OSBPL1A: variants seen among roughly 807,000 people sequenced by gnomAD.
OSBPL1A encodes oxysterol-binding protein-related protein 1.
A neutral mutation model predicts 137.1 loss-of-function variants in OSBPL1A; 80 were observed. The observed-to-expected ratio is 0.58, with a 90% confidence interval of 0.49 to 0.70. The LOEUF is 0.70. Among genes scored for constraint, OSBPL1A ranks in the 30% least tolerant of loss-of-function variants. OSBPL1A has a pLI of 0.00. For missense variants in OSBPL1A, 970 were observed against 1,129.4 expected (o/e 0.86, Z 2.02); for synonymous variants, 365 against 389.7 (o/e 0.94, Z 0.75).
intron 18 of OSBPL1A, among the ~76,000 whole-genome samples, chr18:24,188,479 G>T (rs1325773525): frequency 2.6e-5 from 4 of 152,180 alleles, no homozygotes; most frequent in Non-Finnish European, 5.9e-5. Flanking sequence ...CATTTGAAAA[G>T]CTGCTAAAAT....
rs78501305 is a variant in OSBPL1A, at chr18:24,240,792, C to T, written c.1282-1410G>A. ...ATAGATGTTTTCGAAAGCAGTTGTG[C>T]ACTGGGTGACACTGAATGAAGCAGA... On this transcript the variant is annotated intron_variant, in intron 15 of 27. Coordinates refer to ENST00000319481, the MANE Select transcript of OSBPL1A (RefSeq NM_080597.4). Among the ~76,000 whole-genome samples the T allele has an allele frequency of 3.9e-3, 589 of 152,300 alleles. 3 individuals carry two copies. Among genetic ancestry groups the T allele is most frequent in the Non-Finnish European group, 6.1e-3 (412 of 68,012 alleles).
intron 1 of OSBPL1A, among the ~76,000 whole-genome samples, chr18:24,377,801 C>A (rs771329568): frequency 6.6e-6 from 1 of 152,100 alleles, no homozygotes; most frequent in Non-Finnish European, 1.5e-5. Flanking sequence ...TACAACCAAC[C>A]GCATAAGCTG....
chr18:24,206,534 T>C lies in OSBPL1A; in HGVS notation c.1602-10334A>G, dbSNP rs1275421101. Among the ~76,000 whole-genome samples, 6 of 152,208 alleles carry C rather than the reference T, an allele frequency of 3.9e-5. No homozygotes were observed. In the South Asian group the frequency reaches 1.2e-3, roughly 32 times the overall value. On this transcript the variant is annotated intron_variant, in intron 17 of 27. Transcript: ENST00000319481. ...ATTTAATTAAAATGACGAAAGAACA[T>C]ACTAATAAATCCCAAACAATTTTAC... is the stretch of plus-strand genomic sequence containing the variant.
chr18:24,313,595 C>T (rs1317312402), intron 12 of OSBPL1A, among the ~76,000 whole-genome samples: 2 of 152,168 alleles, frequency 1.3e-5, no homozygotes, highest in Non-Finnish European at 2.9e-5. Context: ...TTCTGTCACT[C>T]ACAAGCTGCC....
In OSBPL1A at chr18:24,334,299, T is replaced by G. The variant is rs773613142; in HGVS notation, c.426A>C (p.Glu142Asp). 3 of 1,612,228 alleles carry G rather than the reference T, an allele frequency of 1.9e-6. No homozygotes were observed. Among genetic ancestry groups the G allele is most frequent in the African/African-American group, 2.7e-5 (2 of 74,862 alleles). Residue 142 changes from glutamate to aspartate, a missense_variant, in exon 6 of 28, where the codon GAA becomes GAC. Glu to Asp is a conservative substitution (Grantham distance 45). Around this residue, in one of 2 missense-constraint regions of OSBPL1A, gnomAD observed 647 missense variants for 672.6 expected, o/e 0.96. Coordinates refer to ENST00000319481, the MANE Select transcript of OSBPL1A (RefSeq NM_080597.4). ...AVERTQQRKL[E>D]ELLLAAAREG... is the part of the protein sequence containing the mutation. ...CTCTTGCTGCTGCTAAAAGTAATTCTTCAAGCTTTCTTTGTTGAGTCCTTT... is the reference window on the plus strand; with the variant it reads ...CTCTTGCTGCTGCTAAAAGTAATTCGTCAAGCTTTCTTTGTTGAGTCCTTT...
chr18:24,358,241 G>A, intron 4 of OSBPL1A: 1 of 514,182 alleles, frequency 1.9e-6, no homozygotes, highest in African/African-American at 1.9e-5. Context: ...AGGGATGAGG[G>A]TTTCCAGAGT....
intron 4 of OSBPL1A, among the ~76,000 whole-genome samples, chr18:24,344,228 T>C (rs1041143944): frequency 1.3e-5 from 2 of 152,124 alleles, no homozygotes; most frequent in African/African-American, 4.8e-5. Context: ...GGCAGACGGA[T>C]CACTTGAGGC....
chr18:24,305,967 C>G (rs2090492784), intron 13 of OSBPL1A, among the ~76,000 whole-genome samples: 1 of 152,140 alleles, frequency 6.6e-6, no homozygotes, highest in Non-Finnish European at 1.5e-5. Flanking sequence ...AAACCTCTTT[C>G]CTTTATAAAT....
chr18:24,316,194 G>A (rs1423531030), intron 11 of OSBPL1A, among the ~76,000 whole-genome samples: 1 of 151,960 alleles, frequency 6.6e-6, no homozygotes, highest in African/African-American at 2.4e-5. Context: ...CTGGGAGGTG[G>A]AGGTTGCAGT....
chr18:24,313,566 G>T (rs2090665361), intron 12 of OSBPL1A, among the ~76,000 whole-genome samples: 1 of 152,214 alleles, frequency 6.6e-6, no homozygotes, highest in East Asian at 1.9e-4. Context: ...GTGTCAGAAC[G>T]CCTGGCTTGT....
At chr18:24,396,696 G>T (rs557719043) in intron 1 of OSBPL1A, among the ~76,000 whole-genome samples, 2 of 151,964 alleles carry the variant, frequency 1.3e-5, no homozygotes, top group Non-Finnish European at 2.9e-5. Context: ...GGGGAGGGAG[G>T]GGGGTGGTTC....
At position 24,368,388 on chromosome 18, in the gene OSBPL1A, T is replaced by C. The variant is rs1157250648; in HGVS notation, c.122-16A>G. 6.3e-6 allele frequency: 10 copies of C among 1,582,188 alleles called. No individual in the cohort carries two copies. Among genetic ancestry groups the C allele is most frequent in the Non-Finnish European group, 6.9e-6 (8 of 1,152,596 alleles). ...TTACTTCTTCCTAAAAATGGAAAAA[T>C]ATAAGGTATTTTTAGGTCATATTTA... On this transcript the variant is annotated splice_polypyrimidine_tract_variant and intron_variant, in intron 2 of 27. Transcript: ENST00000319481.
At chr18:24,321,337 G>A (rs546581942) in intron 7 of OSBPL1A, among the ~76,000 whole-genome samples, 1 of 152,268 alleles carries the variant, frequency 6.6e-6, no homozygotes, top group East Asian at 1.9e-4. Context: ...ACTTACAACA[G>A]TTCAACTTAA....
At position 24,271,981 on chromosome 18, in the gene OSBPL1A, C is replaced by G; in HGVS notation, c.1281+8861G>C. 3.1e-6 allele frequency: 3 copies of G among 981,798 alleles called. No homozygotes were observed. Among genetic ancestry groups the G allele is most frequent in the Non-Finnish European group, 3.6e-6 (3 of 828,656 alleles). The allele number at this position is 981,798 out of a possible 1,614,324, so 60.8% of individuals were successfully genotyped here. A position where few individuals can be genotyped will look rare whatever the true frequency, so the allele number is the denominator to read the frequency against. ...CCCTCCGGGGCTCGCGGGGAGAGCG[C>G]GGGCGGGCGGCGGCAAGGCCTGCGG... On this transcript the variant is annotated intron_variant, in intron 15 of 27. Transcript: ENST00000319481. The surrounding 1 kb of genome is among the most constrained non-coding windows in gnomAD (Gnocchi z 4.0).
At chr18:24,239,925 C>CTTTTTTTTTTT (rs10699940) in intron 15 of OSBPL1A, among the ~76,000 whole-genome samples, 2 of 125,620 alleles carry the variant, frequency 1.6e-5, no homozygotes, top group Admixed American at 8.9e-5. Flanking sequence ...TCATTTTTCT[C>CTTTTTTTTTTT]TTTTTTTTTT....
chr18:24,169,205 T>C (rs920134305), intron 24 of OSBPL1A, among the ~76,000 whole-genome samples: 2 of 152,248 alleles, frequency 1.3e-5, no homozygotes, highest in African/African-American at 4.8e-5. Context: ...GAAAGCAGAA[T>C]GCTCCGGCCG....
At chr18:24,315,923 A>G (rs1276772820) in intron 11 of OSBPL1A, among the ~76,000 whole-genome samples, 1 of 137,064 alleles carries the variant, frequency 7.3e-6, no homozygotes, top group African/African-American at 2.7e-5. Context: ...TATTATAATT[A>G]TATAATAATA....
At chr18:24,290,608 G>A (rs1220002293) in intron 14 of OSBPL1A, among the ~76,000 whole-genome samples, 5 of 152,098 alleles carry the variant, frequency 3.3e-5, no homozygotes, top group Admixed American at 1.3e-4. Flanking sequence ...GCTTGAACCC[G>A]GCAGGCGGAG....
intron 11 of OSBPL1A, among the ~76,000 whole-genome samples, chr18:24,316,496 TAAG>T (rs1223437228): frequency 1.3e-5 from 2 of 151,908 alleles, no homozygotes; most frequent in Non-Finnish European, 2.9e-5. Context: ...ACAGTAAACA[TAAG>T]AAGGCCAAAG....
Sources: allele counts gnomAD v4.1 joint callset (sites outside exome capture counted in the v4.1 genomes callset), GRCh38; gene constraint gnomAD v4.1.1; regional missense constraint gnomAD v4.1.1; non-coding constraint Gnocchi (gnomAD v3.1); transcripts MANE v1.5; gene names NCBI Gene and HGNC (gene_info 2026-07-23, HGNC 2026-07-21).